Variants in ARAP2 observed in about 807,000 individuals in gnomAD.
ARAP2 encodes the protein ArfGAP with RhoGAP domain, ankyrin repeat and PH domain 2.
Under a neutral mutation model 194.5 loss-of-function variants are expected in ARAP2, and 148 were observed. The observed-to-expected ratio is 0.76, with a 90% confidence interval of 0.67 to 0.87. The LOEUF is 0.87. Ranked by LOEUF, ARAP2 falls within the 40% of genes least tolerant of loss-of-function variation. The pLI, the probability that ARAP2 is intolerant of heterozygous loss-of-function variation, is 0.00. For missense variants in ARAP2, 2,128 were observed against 1,989.7 expected, an observed-to-expected ratio of 1.07 and a Z score of -1.32; for synonymous variants, 695 against 683.5, an observed-to-expected ratio of 1.02 and a Z score of -0.26.
chr4:36,036,018 A>G (rs939752014), intron 5 of ARAP2, among the ~76,000 whole-genome samples: 2 of 152,148 alleles, frequency 1.3e-5, no homozygotes, highest in East Asian at 1.9e-4. Context: ...ACGTCATACT[A>G]TCTTAGCTAC....
At chr4:36,032,558 T>C (rs1308286417) in intron 5 of ARAP2, among the ~76,000 whole-genome samples, 1 of 152,228 alleles carries the variant, frequency 6.6e-6, no homozygotes. Context: ...CTGAAGAGAT[T>C]AAATAGTATA....
At chr4:36,103,892 C>CA (rs1360399718) in intron 27 of ARAP2, among the ~76,000 whole-genome samples, 2 of 151,710 alleles carry the variant, frequency 1.3e-5, no homozygotes, top group Non-Finnish European at 2.9e-5. Context: ...TTAATTTTAG[C>CA]AAATTTTTTA....
At chr4:36,211,986 C>T (rs1041345759) in intron 5 of ARAP2, among the ~76,000 whole-genome samples, 2 of 116,910 alleles carry the variant, frequency 1.7e-5, no homozygotes, top group African/African-American at 3.1e-5. Context: ...AATTGTCATG[C>T]TTCTTGCCAG....
At chr4:36,166,153 T>C (rs1355977823) in intron 10 of ARAP2, among the ~76,000 whole-genome samples, 1 of 152,130 alleles carries the variant, frequency 6.6e-6, no homozygotes, top group Non-Finnish European at 1.5e-5. Context: ...ACATGCAAAA[T>C]GAGTAACTAC....
At chr4:36,085,611 T>G (rs141194806) in intron 28 of ARAP2, among the ~76,000 whole-genome samples, 1 of 152,260 alleles carries the variant, frequency 6.6e-6, no homozygotes, top group Non-Finnish European at 1.5e-5. Flanking sequence ...ATCTTAATAG[T>G]TGGATGGCAA....
intron 22 of ARAP2, among the ~76,000 whole-genome samples, chr4:36,122,982 A>G (rs1723016991): frequency 6.6e-6 from 1 of 151,826 alleles, no homozygotes; most frequent in African/African-American, 2.4e-5. Flanking sequence ...ATAGCAATAC[A>G]TATGTTAATG....
At chr4:36,098,397 C>G (rs1446329114) in intron 27 of ARAP2, among the ~76,000 whole-genome samples, 6 of 152,008 alleles carry the variant, frequency 3.9e-5, no homozygotes, top group African/African-American at 1.4e-4. Flanking sequence ...CCATGTCCTA[C>G]CTTTCTAATG....
intron 1 of ARAP2, among the ~76,000 whole-genome samples, chr4:36,230,148 C>A (rs1473578077): frequency 6.6e-6 from 1 of 152,192 alleles, no homozygotes; most frequent in Admixed American, 6.5e-5. Flanking sequence ...CAGGTAACTT[C>A]TCAGTGTCTA....
chr4:36,067,799 T>G lies in ARAP2; in HGVS notation c.*108A>C, dbSNP rs1254825923. On this transcript the variant is annotated 3_prime_UTR_variant, in exon 33 of 33. Coordinates refer to ENST00000303965, the MANE Select transcript of ARAP2 (RefSeq NM_015230.4). ...GCCTAAGCATAGACAAATTTGCCTA[T>G]CAATAGGCAAATTCTTATGAATTAT... 2 of 1,338,482 alleles carry G rather than the reference T, an allele frequency of 1.5e-6. No individual in the cohort carries two copies. The highest frequency in any genetic ancestry group is 3.0e-5 in the African/African-American group (2 of 67,746). 82.9% of individuals were successfully genotyped at this position (1,338,482 alleles called of 1,614,324 possible). A position where few individuals can be genotyped will look rare whatever the true frequency, so the allele number is the denominator to read the frequency against.
intron 30 of ARAP2, 51 bp from the exon 31 acceptor site, chr4:36,080,330 T>C (rs781199150): frequency 1.4e-6 from 2 of 1,453,814 alleles, no homozygotes; most frequent in Non-Finnish European, 1.9e-6. Context: ...AATTGACTGT[T>C]CTCTAGTGTA....
intron 8 of ARAP2, among the ~76,000 whole-genome samples, chr4:36,182,495 CTAAATAAATAAATAAATAAATAAA>C (rs71201004): frequency 7.1e-6 from 1 of 140,698 alleles, no homozygotes; most frequent in Non-Finnish European, 1.5e-5. Context: ...GACTCCATCT[CTAAATAAATAAATAAATAAATAAA>C]TAAATAAATA....
At chr4:36,110,782 C>T (rs1478163006) in intron 26 of ARAP2, among the ~76,000 whole-genome samples, 1 of 151,802 alleles carries the variant, frequency 6.6e-6, no homozygotes, top group Non-Finnish European at 1.5e-5. Context: ...ACCATCTCAC[C>T]AACGACAGTA....
At chr4:36,117,458 A>C (rs2109522015) in intron 24 of ARAP2, among the ~76,000 whole-genome samples, 1 of 151,832 alleles carries the variant, frequency 6.6e-6, no homozygotes, top group South Asian at 2.1e-4. Context: ...GCTGGCTGTG[A>C]CAACAGAAGT....
chr4:36,032,273 G>C (rs754634770), intron 5 of ARAP2, among the ~76,000 whole-genome samples: 2 of 152,206 alleles, frequency 1.3e-5, no homozygotes, highest in African/African-American at 4.8e-5. Flanking sequence ...CAGATGTCAA[G>C]GGTAAGAGAT....
intron 15 of ARAP2, among the ~76,000 whole-genome samples, chr4:36,153,633 C>T (rs914017687): frequency 1.3e-5 from 2 of 152,160 alleles, no homozygotes; most frequent in African/African-American, 4.8e-5. Flanking sequence ...AGGATTTACT[C>T]AAGCACAGGT....
At chr4:36,192,447 GAC>G (rs1006000701) in intron 7 of ARAP2, among the ~76,000 whole-genome samples, 3 of 152,106 alleles carry the variant, frequency 2.0e-5, no homozygotes, top group South Asian at 2.1e-4. Flanking sequence ...AGTCCAGTTT[GAC>G]ACAGTTACTA....
intron 11 of ARAP2, among the ~76,000 whole-genome samples, chr4:36,163,280 G>A (rs1734510376): frequency 6.6e-6 from 1 of 152,026 alleles, no homozygotes; most frequent in Non-Finnish European, 1.5e-5. Flanking sequence ...CTGGTAATAA[G>A]AACACAAAGA....
At chr4:36,156,393 A>G (rs956207704) in intron 15 of ARAP2, among the ~76,000 whole-genome samples, 4,739 of 9,900 alleles carry the variant, frequency 0.48, 245 homozygotes, top group Middle Eastern at 0.5. Context: ...GAGAGAGAGA[A>G]AGAAAGAAAG....
intron 5 of ARAP2, among the ~76,000 whole-genome samples, chr4:36,024,092 T>C (rs1050592825): frequency 1.3e-5 from 2 of 152,172 alleles, no homozygotes; most frequent in African/African-American, 4.8e-5. Context: ...GTAACTCTTT[T>C]CTTCATGTGA....
Sources: allele counts gnomAD v4.1 joint callset (sites outside exome capture counted in the v4.1 genomes callset), GRCh38; gene constraint gnomAD v4.1.1; transcripts MANE v1.5; gene names NCBI Gene and HGNC (gene_info 2026-07-23, HGNC 2026-07-21).